Variants in STUM observed in about 807,000 individuals in gnomAD.
STUM encodes the protein stum, mechanosensory transduction mediator homolog, also known as protein stum homolog.
A neutral mutation model predicts 15.3 loss-of-function variants in STUM; 8 were observed. The ratio of observed to expected loss-of-function variants is 0.52; its 90% confidence interval spans 0.31 to 0.94. The LOEUF is 0.94. Among genes scored for constraint, STUM ranks in the 40% least tolerant of loss-of-function variants. The pLI, the probability that STUM is intolerant of heterozygous loss-of-function variation, is 0.05. For synonymous variants in STUM, 78 were observed against 88.7 expected (o/e 0.88, Z 0.68); for missense variants, 142 against 204.9 (o/e 0.69, Z 1.87).
chr1:226,564,578 A>G (rs1055610526), intron 1 of STUM, among the ~76,000 whole-genome samples: 3 of 152,174 alleles, frequency 2.0e-5, no homozygotes, highest in African/African-American at 7.2e-5. Context: ...CTCTTGGATT[A>G]TCTGGTCTAC....
chr1:226,554,590 A>T (rs1397407900), intron 1 of STUM, among the ~76,000 whole-genome samples: 1 of 152,224 alleles, frequency 6.6e-6, no homozygotes, highest in Non-Finnish European at 1.5e-5. Context: ...GTATTACAGC[A>T]GAAAGTGGAT....
chr1:226,572,729 C>T (rs1667738364), intron 1 of STUM, among the ~76,000 whole-genome samples: 1 of 152,218 alleles, frequency 6.6e-6, no homozygotes, highest in Admixed American at 6.5e-5. Context: ...CTGGAAGCCC[C>T]TCAAGTGCTC....
chr1:226,553,497 A>C (rs1667401714), intron 1 of STUM, among the ~76,000 whole-genome samples: 1 of 152,196 alleles, frequency 6.6e-6, no homozygotes, highest in Admixed American at 6.5e-5. Flanking sequence ...CCAAACAATA[A>C]ATGGAGTGGG....
intron 1 of STUM, among the ~76,000 whole-genome samples, chr1:226,594,600 G>T (rs369435975): frequency 2.9e-4 from 44 of 152,174 alleles, no homozygotes; most frequent in African/African-American, 9.4e-4. Context: ...TAGTTCCTGA[G>T]AGTTATTAGT....
rs371493005 is a variant in STUM, at chr1:226,591,613, A to G, written c.203-5189A>G. Reference sequence around the variant, plus strand: ...GCAGGTACTCAGCCCACTGGCCTCTAATCACTTTGGCAATTCCAGTGAGAT... The same window carrying G: ...GCAGGTACTCAGCCCACTGGCCTCTGATCACTTTGGCAATTCCAGTGAGAT... On this transcript the variant is annotated intron_variant, in intron 1 of 3. Coordinates refer to ENST00000366788, the MANE Select transcript of STUM (RefSeq NM_001003665.4). Among the ~76,000 whole-genome samples, 12 of 152,224 alleles carry G rather than the reference A, an allele frequency of 7.9e-5. 1 individual carries two copies. In the South Asian group the frequency reaches 2.1e-3, roughly 26 times the overall value.
intron 1 of STUM, among the ~76,000 whole-genome samples, chr1:226,576,761 A>C (rs1178373941): frequency 6.6e-6 from 1 of 152,102 alleles, no homozygotes; most frequent in African/African-American, 2.4e-5. Flanking sequence ...GGCAACCACC[A>C]GAGTACAGGG....
chr1:226,584,716 G>T lies in STUM; in HGVS notation c.203-12086G>T, dbSNP rs114685054. 7.6e-3 allele frequency among the ~76,000 whole-genome samples: 1,152 copies of T among 152,312 alleles called. 26 individuals are homozygous for T. The South Asian group carries it at 0.098, about 13-fold the overall frequency. On this transcript the variant is annotated intron_variant, in intron 1 of 3. Transcript: ENST00000366788. ...ATCCAGGGGCTTCTGTCACAGCCTT[G>T]CAGAGTCCCATGGCATCATTTAATT...
intron 1 of STUM, among the ~76,000 whole-genome samples, chr1:226,594,153 G>T (rs1445884190): frequency 6.6e-6 from 1 of 152,058 alleles, no homozygotes; most frequent in African/African-American, 2.4e-5. Context: ...CTTCAGCCTT[G>T]GATCTGAAGC....
intron 1 of STUM, among the ~76,000 whole-genome samples, chr1:226,558,285 T>A (rs1270669649): frequency 6.6e-6 from 1 of 152,226 alleles, no homozygotes; most frequent in African/African-American, 2.4e-5. Flanking sequence ...ACAATTAAGT[T>A]GTGCAATACA....
chr1:226,597,547 A>G (rs1407465257), intron 2 of STUM: 2 of 453,746 alleles, frequency 4.4e-6, no homozygotes, highest in Non-Finnish European at 9.2e-6. Flanking sequence ...CGTCAGTGTC[A>G]GAGGTAAGCT....
intron 1 of STUM, among the ~76,000 whole-genome samples, chr1:226,550,003 C>T (rs2102682672): frequency 6.6e-6 from 1 of 152,280 alleles, no homozygotes; most frequent in African/African-American, 2.4e-5. Context: ...CCCCTCCCCT[C>T]CTCCAGCTTG....
Position 226,549,694 on chromosome 1 carries a change from C to T in STUM, c.202+588C>T, listed in dbSNP as rs1031182822. Among the ~76,000 whole-genome samples, 6 of 152,188 alleles carry T rather than the reference C, an allele frequency of 3.9e-5. No homozygotes were observed. The highest frequency in any genetic ancestry group is 1.4e-4 in the African/African-American group (6 of 41,460). On this transcript the variant is annotated intron_variant, in intron 1 of 3. Coordinates refer to ENST00000366788, the MANE Select transcript of STUM (RefSeq NM_001003665.4). This position sits in a 1 kb window ranked among gnomAD's most constrained non-coding sequence, Gnocchi z 6.8. ...TCATTCAGGGGTACCTGCACTTCCG[C>T]CAGCACCCCGCAGGGCGCCAGGGGG...
chr1:226,551,283 A>T (rs1011374071), intron 1 of STUM, among the ~76,000 whole-genome samples: 9 of 152,098 alleles, frequency 5.9e-5, no homozygotes, highest in African/African-American at 2.2e-4. Flanking sequence ...CTCTCTGGGG[A>T]TGGTGGGTCC....
At position 226,600,625 on chromosome 1, in the gene STUM, C is replaced by T. The variant is rs756692497; in HGVS notation, c.383-41C>T. On this transcript the variant is annotated intron_variant, in intron 2 of 3. Transcript: ENST00000366788. The surrounding 1 kb of genome is among the most constrained non-coding windows in gnomAD (Gnocchi z 5.2). ...GGCTGTGTTTTCTCTTCTTCTCTCTCTCCTCTTCCTCCTGCTGCCTCCCAC... is the reference window on the plus strand; with the variant it reads ...GGCTGTGTTTTCTCTTCTTCTCTCTTTCCTCTTCCTCCTGCTGCCTCCCAC... 6.2e-7 allele frequency: 1 copy of T among 1,609,658 alleles called. No individual in the cohort carries two copies. The highest frequency in any genetic ancestry group is 8.5e-7 in the Non-Finnish European group (1 of 1,179,586).
At chr1:226,566,381 G>T (rs1346116795) in intron 1 of STUM, among the ~76,000 whole-genome samples, 2 of 152,124 alleles carry the variant, frequency 1.3e-5, no homozygotes, top group African/African-American at 4.8e-5. Context: ...TGATTTGTGT[G>T]CAGACTTCTG....
At chr1:226,593,909 A>G (rs547853107) in intron 1 of STUM, among the ~76,000 whole-genome samples, 1 of 152,266 alleles carries the variant, frequency 6.6e-6, no homozygotes, top group South Asian at 2.1e-4. Flanking sequence ...GGGACCCCGC[A>G]TTTTTAACAA....
At chr1:226,581,195 C>T (rs1438360635) in intron 1 of STUM, among the ~76,000 whole-genome samples, 1 of 152,226 alleles carries the variant, frequency 6.6e-6, no homozygotes, top group Non-Finnish European at 1.5e-5. Flanking sequence ...CATGGCCTCT[C>T]TTGGTTGCAG....
At chr1:226,596,232 G>C (rs964014764) in intron 1 of STUM, among the ~76,000 whole-genome samples, 2 of 151,364 alleles carry the variant, frequency 1.3e-5, no homozygotes, top group African/African-American at 4.9e-5. Context: ...TGGGACACCT[G>C]TCCTAGTCTG....
intron 1 of STUM, among the ~76,000 whole-genome samples, chr1:226,564,045 C>T (rs557743618): frequency 1.2e-4 from 19 of 152,342 alleles, no homozygotes; most frequent in African/African-American, 4.3e-4. Flanking sequence ...GAGGCTGATA[C>T]ATCCTGAGCA....
Sources: allele counts gnomAD v4.1 joint callset (sites outside exome capture counted in the v4.1 genomes callset), GRCh38; gene constraint gnomAD v4.1.1; non-coding constraint Gnocchi (gnomAD v3.1); transcripts MANE v1.5; gene names NCBI Gene and HGNC (gene_info 2026-07-23, HGNC 2026-07-21).